The following DLC1 variants were observed in gnomAD, a reference collection of about 807,000 sequenced individuals.
The protein encoded by DLC1 is rho GTPase-activating protein 7.
In DLC1, 54 loss-of-function variants were observed where a neutral mutation model predicts 140.3. The observed-to-expected ratio is 0.38, with a 90% CI of 0.31 to 0.48. The LOEUF (loss-of-function observed/expected upper bound fraction) is 0.48. Ranked by LOEUF, DLC1 falls within the 20% of genes least tolerant of loss-of-function variation. The pLI is 0.96. For synonymous variants in DLC1, 986 were observed against 728.1 expected (o/e 1.35, Z -5.70); for missense variants, 2,536 against 1,907.0 (o/e 1.33, Z -6.14).
chr8:13,467,428 G>T (rs981089845), intron 2 of DLC1, among the ~76,000 whole-genome samples: 1 of 148,910 alleles, frequency 6.7e-6, no homozygotes, highest in Non-Finnish European at 1.5e-5. Flanking sequence ...TTAGGTTAAG[G>T]TAGTTCTAGT....
At chr8:13,109,693 T>C (rs1001964683) in intron 7 of DLC1, among the ~76,000 whole-genome samples, 5 of 141,184 alleles carry the variant, frequency 3.5e-5, no homozygotes, top group African/African-American at 1.6e-4. Flanking sequence ...GAGACCATCC[T>C]GGCAACATGG....
intron 5 of DLC1, among the ~76,000 whole-genome samples, chr8:13,147,715 C>T (rs1823535809): frequency 6.6e-6 from 1 of 151,938 alleles, no homozygotes; most frequent in African/African-American, 2.4e-5. Flanking sequence ...ATTGGCTGGG[C>T]ATGGTGGCTC....
intron 2 of DLC1, among the ~76,000 whole-genome samples, chr8:13,425,743 C>T (rs1838544733): frequency 6.6e-6 from 1 of 152,152 alleles, no homozygotes; most frequent in African/African-American, 2.4e-5. Context: ...CTTCCTCCTC[C>T]CCACTAAAAA....
At chr8:13,432,267 A>T (rs931497125) in intron 2 of DLC1, among the ~76,000 whole-genome samples, 2 of 152,204 alleles carry the variant, frequency 1.3e-5, no homozygotes, top group African/African-American at 4.8e-5. Context: ...GTCCTTGACT[A>T]TGGAAAATAC....
chr8:13,092,075 T>C (rs1279594160), intron 13 of DLC1, among the ~76,000 whole-genome samples: 1 of 152,016 alleles, frequency 6.6e-6, no homozygotes, highest in Non-Finnish European at 1.5e-5. Context: ...TGAAACCCCG[T>C]CTCTACTAAA....
rs138872626 is a variant in DLC1, at chr8:13,408,571, A to T, written c.1024-6952T>A. Among the ~76,000 whole-genome samples the T allele has an allele frequency of 3.4e-4, 52 of 152,316 alleles. 2 individuals carry two copies. The highest frequency in any genetic ancestry group is 2.5e-3 in the Admixed American group (38 of 15,296). ...GAAGTGTTCAGAAGTGCAGGTGTGA[A>T]CCGGCGGGGAGAACTGAGGCCCATT... is the stretch of plus-strand genomic sequence containing the variant. On this transcript the variant is annotated intron_variant, in intron 2 of 17. Transcript: ENST00000276297.
Position 13,099,831 on chromosome 8 carries a change from C to T in DLC1, c.2506G>A (p.Val836Met). The T allele has an allele frequency of 9.3e-6, 15 of 1,614,206 alleles. No individual in the cohort carries two copies. The highest frequency in any genetic ancestry group is 1.3e-5 in the Non-Finnish European group (15 of 1,180,042). Residue 836 changes from valine to methionine, a missense_variant, in exon 9 of 18, where the codon GTG becomes ATG. Physicochemically the swap from Val to Met is conservative, Grantham distance 21. Transcript: ENST00000276297. ...SFSPSGNNGSVNWRTGSFHGP... is the reference protein window; with the variant it reads ...SFSPSGNNGSMNWRTGSFHGP... Reference sequence around the variant, plus strand: ...TGGAAGCTTCCCGTCCTCCAGTTCACAGAGCCGTTATTCCCCGAGGGGGAG... The same window carrying T: ...TGGAAGCTTCCCGTCCTCCAGTTCATAGAGCCGTTATTCCCCGAGGGGGAG...
At chr8:13,440,229 T>C (rs561393381) in intron 2 of DLC1, among the ~76,000 whole-genome samples, 1 of 152,220 alleles carries the variant, frequency 6.6e-6, no homozygotes, top group South Asian at 2.1e-4. Flanking sequence ...AATAGGGTTC[T>C]ATGAAATCCA....
intron 2 of DLC1, among the ~76,000 whole-genome samples, chr8:13,409,245 A>G (rs534439057): frequency 6.6e-6 from 1 of 152,258 alleles, no homozygotes; most frequent in South Asian, 2.1e-4. Context: ...AAATAATCTG[A>G]TATATTTCTA....
chr8:13,139,408 G>T (rs1822810732), intron 5 of DLC1, among the ~76,000 whole-genome samples: 1 of 149,212 alleles, frequency 6.7e-6, no homozygotes, highest in African/African-American at 2.5e-5. Flanking sequence ...CCCCAACTAT[G>T]AACCAGCCCA....
chr8:13,319,123 C>G (rs960134130), intron 4 of DLC1, among the ~76,000 whole-genome samples: 2 of 152,168 alleles, frequency 1.3e-5, no homozygotes, highest in Admixed American at 6.5e-5. Context: ...TTTCATCAGA[C>G]TCAAACGTAA....
intron 5 of DLC1, among the ~76,000 whole-genome samples, chr8:13,216,847 T>A (rs1435395860): frequency 1.3e-5 from 2 of 152,142 alleles, no homozygotes; most frequent in Non-Finnish European, 2.9e-5. Flanking sequence ...AAATGTTCCA[T>A]GGGAAACCAA....
At chr8:13,312,386 A>AAAAAAAAAAAAAAAAATAAT (rs71207139) in intron 4 of DLC1, among the ~76,000 whole-genome samples, 21 of 81,704 alleles carry the variant, frequency 2.6e-4, no homozygotes, top group East Asian at 1.1e-3. Context: ...AAAAAAAAAA[A>AAAAAAAAAAAAAAAAATAAT]AATAATTTCT....
chr8:13,396,150 C>A (rs1429293096), intron 3 of DLC1, among the ~76,000 whole-genome samples: 2 of 149,798 alleles, frequency 1.3e-5, no homozygotes, highest in Non-Finnish European at 3.0e-5. Context: ...AGCTCCGCCT[C>A]CTGGGTTCAC....
intron 4 of DLC1, chr8:13,339,310 A>G (rs1309886739): frequency 2.0e-5 from 3 of 152,220 alleles, no homozygotes; most frequent in African/African-American, 7.2e-5. Flanking sequence ...TGCCAGCGAC[A>G]ACCTTCTAGG....
At chr8:13,330,014 G>C (rs1833521874) in intron 4 of DLC1, among the ~76,000 whole-genome samples, 1 of 152,032 alleles carries the variant, frequency 6.6e-6, no homozygotes, top group African/African-American at 2.4e-5. Context: ...ACCCAGGCTG[G>C]AGTGCAGTGG....
chr8:13,110,479 G>A (rs931268133), intron 7 of DLC1, among the ~76,000 whole-genome samples: 1 of 152,052 alleles, frequency 6.6e-6, no homozygotes, highest in Non-Finnish European at 1.5e-5. Flanking sequence ...CCTGAGAGTT[G>A]TTACTTGTTA....
upstream of DLC1, among the ~76,000 whole-genome samples, chr8:13,517,044 C>T (rs1030650687): frequency 1.3e-5 from 2 of 152,186 alleles, no homozygotes; most frequent in Non-Finnish European, 2.9e-5. Context: ...GACAATTTCA[C>T]ATAACTTATA....
intron 2 of DLC1, among the ~76,000 whole-genome samples, chr8:13,460,353 C>G (rs1481979013): frequency 6.6e-6 from 1 of 152,222 alleles, no homozygotes; most frequent in Non-Finnish European, 1.5e-5. Flanking sequence ...TGAACATTGA[C>G]TGTCTTACTA....
Sources: allele counts gnomAD v4.1 joint callset (sites outside exome capture counted in the v4.1 genomes callset), GRCh38; gene constraint gnomAD v4.1.1; transcripts MANE v1.5; gene names NCBI Gene and HGNC (gene_info 2026-07-23, HGNC 2026-07-21).